Variants in PDE1C observed in about 807,000 individuals in gnomAD.
PDE1C encodes the protein phosphodiesterase 1C.
A neutral mutation model predicts 93.1 loss-of-function variants in PDE1C; 62 were observed. The observed-to-expected ratio is 0.67, with a 90% CI of 0.54 to 0.82. The LOEUF is 0.82. PDE1C is among the 40% of genes least tolerant of loss of function. The probability of loss-of-function intolerance (pLI) is 0.00; values close to 1 mark genes in which losing one functional copy is unlikely to be tolerated. For missense variants in PDE1C, 742 were observed against 884.6 expected (o/e 0.84, Z 2.04); for synonymous variants, 325 against 310.1 (o/e 1.05, Z -0.50).
At chr7:32,149,206 G>A (rs948167156) in intron 3 of PDE1C, among the ~76,000 whole-genome samples, 9 of 152,190 alleles carry the variant, frequency 5.9e-5, no homozygotes, top group African/African-American at 2.2e-4. Context: ...TATGTCAATA[G>A]ATAACATGAA....
chr7:32,100,745 C>T (rs963264659), intron 3 of PDE1C, among the ~76,000 whole-genome samples: 1 of 152,094 alleles, frequency 6.6e-6, no homozygotes. Flanking sequence ...TATGTACACA[C>T]CTGTTTTCCT....
chr7:32,129,469 T>C (rs1799800603), intron 3 of PDE1C, among the ~76,000 whole-genome samples: 1 of 126,534 alleles, frequency 7.9e-6, no homozygotes, highest in South Asian at 2.3e-4. Context: ...GCTGATCAAA[T>C]TCAGCATATT....
intron 16 of PDE1C, among the ~76,000 whole-genome samples, chr7:31,804,898 A>G (rs967220981): frequency 6.6e-6 from 1 of 151,816 alleles, no homozygotes; most frequent in African/African-American, 2.4e-5. Flanking sequence ...TCCTAGGTGG[A>G]ATAGAGCAGT....
intron 1 of PDE1C, among the ~76,000 whole-genome samples, chr7:32,325,812 A>G (rs909768266): frequency 9.2e-5 from 14 of 152,192 alleles, no homozygotes; most frequent in African/African-American, 3.4e-4. Flanking sequence ...AAGGACTTTT[A>G]CTTTCCCTGA....
At chr7:31,755,728 C>A (rs548424691) in intron 17 of PDE1C, among the ~76,000 whole-genome samples, 1 of 152,206 alleles carries the variant, frequency 6.6e-6, no homozygotes, top group South Asian at 2.1e-4. Flanking sequence ...AAATAAATAT[C>A]CATGAGTCCA....
rs770789653 is a variant in PDE1C, at chr7:31,809,123, C to T, written c.1814-15G>A. 3 of 1,429,842 alleles carry T rather than the reference C, an allele frequency of 2.1e-6. No homozygotes were observed. The highest frequency in any genetic ancestry group is 1.2e-5 in the South Asian group (1 of 86,956). The allele number at this position is 1,429,842 out of a possible 1,614,324, so 88.6% of individuals were successfully genotyped here. A position where few individuals can be genotyped will look rare whatever the true frequency, so the allele number is the denominator to read the frequency against. The stretch of plus-strand genomic sequence containing the variant: ...TTTGAAGTCACCTGAAAGTAATAAA[C>T]ATGACAAACAGTATATGTATGCAGC... On this transcript the variant is annotated splice_polypyrimidine_tract_variant and intron_variant, in intron 15 of 17. Coordinates refer to ENST00000396191, the MANE Select transcript of PDE1C (RefSeq NM_001191057.4).
intron 1 of PDE1C, among the ~76,000 whole-genome samples, chr7:32,324,682 C>T (rs1404874107): frequency 6.6e-6 from 1 of 152,202 alleles, no homozygotes; most frequent in African/African-American, 2.4e-5. Context: ...GGCGCGGTGG[C>T]TCATGCCTAT....
chr7:31,733,638 T>A, the PDE1C span, among the ~76,000 whole-genome samples: 1 of 152,212 alleles, frequency 6.6e-6, no homozygotes, highest in Non-Finnish European at 1.5e-5. Context: ...TACCCATACA[T>A]ACATACTACA....
chr7:31,879,170 A>G lies in PDE1C; in HGVS notation c.251T>C (p.Leu84Pro). The G allele has an allele frequency of 1.2e-6, 2 of 1,613,082 alleles. No individual in the cohort carries two copies. The highest frequency in any genetic ancestry group is 1.7e-6 in the Non-Finnish European group (2 of 1,179,630). ...SVYIDETRRL[L>P]DTEDELSDIQ... ...GTCACTGAGCTCATCCTCTGTATCC[A>G]GGAGTCTCCTGAACACAAGAAACAG... Residue 84 changes from leucine (L) to proline (P), a missense_variant, in exon 4 of 18, where the codon CTG becomes CCG. Physicochemically the swap from Leu to Pro is moderately conservative, Grantham distance 98. Coordinates refer to ENST00000396191, the MANE Select transcript of PDE1C (RefSeq NM_001191057.4).
chr7:31,762,007 G>C (rs1478145008), intron 17 of PDE1C, among the ~76,000 whole-genome samples: 1 of 152,192 alleles, frequency 6.6e-6, no homozygotes, highest in Non-Finnish European at 1.5e-5. Context: ...ACACATAGTA[G>C]GTGCTCATTC....
In PDE1C at chr7:32,194,149, C is replaced by T. The variant is rs547035373; in HGVS notation, c.136+15340G>A. 4.3e-4 allele frequency among the ~76,000 whole-genome samples: 66 copies of T among 152,158 alleles called. No homozygotes were observed. The South Asian group carries it at 0.012, about 27-fold the overall frequency. On this transcript the variant is annotated intron_variant, in intron 2 of 18. Transcript: ENST00000396193. ...CAGGATGGTCTCAATCTCCTGACCT[C>T]GTGATCTGCCCGCCTCGGCCTCCCA... is the stretch of plus-strand genomic sequence containing the variant.
intron 1 of PDE1C, among the ~76,000 whole-genome samples, chr7:32,058,668 A>G (rs1052414983): frequency 5.9e-5 from 9 of 152,328 alleles, no homozygotes; most frequent in Non-Finnish European, 7.4e-5. Flanking sequence ...TCCATGATGC[A>G]TGTATTAAAA....
Position 32,119,334 on chromosome 7 carries a change from C to T in PDE1C, c.308+50451G>A, listed in dbSNP as rs377254938. Among the ~76,000 whole-genome samples, 49 of 152,298 alleles carry T rather than the reference C, an allele frequency of 3.2e-4. No homozygotes were observed. In the East Asian group the frequency reaches 9.3e-3, roughly 29 times the overall value. On this transcript the variant is annotated intron_variant, in intron 3 of 18. Coordinates refer to the PDE1C transcript ENST00000396193. ...GTCTTAACTACAACTCCAGGCTTGC[C>T]TCACTTCAGGCTCCTGTTGGTAGCT...
chr7:32,393,426 C>T (rs1480334982), intron 1 of PDE1C, among the ~76,000 whole-genome samples: 1 of 152,132 alleles, frequency 6.6e-6, no homozygotes, highest in Non-Finnish European at 1.5e-5. Context: ...TCTTCTTCTC[C>T]TTCTAACCTA....
In PDE1C at chr7:31,821,534, C is replaced by T. The variant is rs77268123; in HGVS notation, c.1582+1539G>A. On this transcript the variant is annotated intron_variant, in intron 14 of 17. Transcript: ENST00000396191. ...TTGCAGATGATGCAGTAGCTGCCAT[C>T]GCTGCTTGCAATGCCTGCCAACAGG... is the stretch of plus-strand genomic sequence containing the variant. Among the ~76,000 whole-genome samples the T allele has an allele frequency of 3.9e-3, 591 of 152,154 alleles. 1 individual carries two copies. Among genetic ancestry groups the T allele is most frequent in the African/African-American group, 0.013 (559 of 41,506 alleles).
At chr7:32,312,311 G>A (rs984131512) in intron 1 of PDE1C, among the ~76,000 whole-genome samples, 1 of 151,452 alleles carries the variant, frequency 6.6e-6, no homozygotes, top group Non-Finnish European at 1.5e-5. Flanking sequence ...AATCAATATC[G>A]TGAAAATGGC....
chr7:32,072,127 A>ATTTATGATTTGAGCATAAATT, upstream of PDE1C, among the ~76,000 whole-genome samples: 1 of 152,198 alleles, frequency 6.6e-6, no homozygotes, highest in Non-Finnish European at 1.5e-5. Context: ...CTAAATCATA[A>ATTTATGATTTGAGCATAAATT]ATGCTCACCC....
intron 2 of PDE1C, among the ~76,000 whole-genome samples, chr7:32,025,039 G>C (rs894933513): frequency 6.6e-6 from 1 of 152,068 alleles, no homozygotes. Context: ...AGCAGGAAAT[G>C]GTCCCAGAAT....
intron 1 of PDE1C, among the ~76,000 whole-genome samples, chr7:32,254,437 C>T (rs989952167): frequency 1.3e-5 from 2 of 152,180 alleles, no homozygotes; most frequent in Admixed American, 6.5e-5. Flanking sequence ...CTCTATCAGA[C>T]CTCCTGAGAG....
Sources: allele counts gnomAD v4.1 joint callset (sites outside exome capture counted in the v4.1 genomes callset), GRCh38; gene constraint gnomAD v4.1.1; transcripts MANE v1.5; gene names NCBI Gene and HGNC (gene_info 2026-07-23, HGNC 2026-07-21).